The following RAD51AP2 variants were observed in gnomAD, a reference collection of about 807,000 sequenced individuals.
RAD51AP2 encodes the protein RAD51-associated protein 2.
RAD51AP2 carries 67 observed loss-of-function variants against 85.5 expected under a neutral mutation model. The observed-to-expected ratio is 0.78, with a 90% CI of 0.64 to 0.96. The LOEUF (loss-of-function observed/expected upper bound fraction) is 0.96. Ranked by LOEUF, RAD51AP2 falls within the 40% of genes least tolerant of loss-of-function variation. The pLI is 0.00. For missense variants in RAD51AP2, 1,307 were observed against 1,332.4 expected (o/e 0.98, Z 0.30); for synonymous variants, 474 against 446.5 (o/e 1.06, Z -0.78).
the RAD51AP2 span, among the ~76,000 whole-genome samples, chr2:17,532,048 G>C: frequency 1.4e-4 from 20 of 141,078 alleles, no homozygotes; most frequent in African/African-American, 2.8e-4. Context: ...AAGCCGGGGT[G>C]GGGGGGGAAG....
In RAD51AP2 at chr2:17,518,311, C is replaced by A; in HGVS notation, c.105G>T (p.Arg35=). 1 of 1,614,154 alleles carries A rather than the reference C, an allele frequency of 6.2e-7. No individual in the cohort carries two copies. The highest frequency in any genetic ancestry group is 8.5e-7 in the Non-Finnish European group (1 of 1,180,034). ...DPDSQPPSSK[R]LCLEEPGGVF... The stretch of plus-strand genomic sequence containing the variant: ...CACCTCCAGGCTCCTCAAGACAGAG[C>A]CGCTTGCTACTAGGTGGTTGGGAAT... Residue 35 remains arginine, a synonymous_variant, in exon 1 of 3, where the codon CGG becomes CGT. Coordinates refer to ENST00000399080, the MANE Select transcript of RAD51AP2 (RefSeq NM_001099218.3).
the RAD51AP2 span, among the ~76,000 whole-genome samples, chr2:17,535,923 T>C: frequency 9.0e-6 from 1 of 111,022 alleles, no homozygotes; most frequent in Admixed American, 1.2e-4. Context: ...AGGATATATG[T>C]GGTAAGAACA....
At chr2:17,521,292 A>C (rs888167749), upstream of RAD51AP2, among the ~76,000 whole-genome samples, 1 of 152,106 alleles carries the variant, frequency 6.6e-6, no homozygotes, top group South Asian at 2.1e-4. Context: ...TAACATGAAA[A>C]CTATGCTGAG....
chr2:17,517,692 T>A lies in RAD51AP2; in HGVS notation c.724A>T (p.Ser242Cys). The change falls in exon 1 of 3, where the codon AGC becomes TGC. Residue 242 changes from serine to cysteine, a missense_variant. Ser to Cys is a moderately radical substitution (Grantham distance 112). Around this residue, in one of 3 missense-constraint regions of RAD51AP2, gnomAD observed 635 missense variants for 643.6 expected, o/e 0.99. Transcript: ENST00000399080. ...TAGCTAGGTTTGGCAATTTCCAAGCTGGGCTGGTTTTGAGATTTTGATATT... is the reference window on the plus strand; with the variant it reads ...TAGCTAGGTTTGGCAATTTCCAAGCAGGGCTGGTTTTGAGATTTTGATATT... ...LKISKSQNQP[S>C]LEIAKPSYFR... is the part of the protein sequence containing the mutation. 1 of 1,612,800 alleles carries A rather than the reference T, an allele frequency of 6.2e-7. No homozygotes were observed. Among genetic ancestry groups the A allele is most frequent in the Non-Finnish European group, 8.5e-7 (1 of 1,179,694 alleles).
At chr2:17,523,120 A>G (rs950763037), upstream of RAD51AP2, among the ~76,000 whole-genome samples, 3 of 151,932 alleles carry the variant, frequency 2.0e-5, 1 homozygote, top group Admixed American at 2.0e-4. Context: ...ATTAAAAAAT[A>G]GAACCTACCT....
Sources: allele counts gnomAD v4.1 joint callset (sites outside exome capture counted in the v4.1 genomes callset), GRCh38; gene constraint gnomAD v4.1.1; regional missense constraint gnomAD v4.1.1; transcripts MANE v1.5; gene names NCBI Gene and HGNC (gene_info 2026-07-23, HGNC 2026-07-21).